Variants in NAA25 observed in about 807,000 individuals in gnomAD.
NAA25 encodes N-alpha-acetyltransferase 25, NatB auxiliary subunit.
In NAA25, 30 loss-of-function variants were observed where a neutral mutation model predicts 132.5. The ratio of observed to expected loss-of-function variants is 0.23; its 90% confidence interval spans 0.17 to 0.31. The LOEUF (loss-of-function observed/expected upper bound fraction) is 0.31, where lower values mean the gene tolerates loss of function less well. Among genes scored for constraint, NAA25 ranks in the 10% least tolerant of loss-of-function variants. The probability of loss-of-function intolerance (pLI) is 1.00; values close to 1 mark genes in which losing one functional copy is unlikely to be tolerated. For missense variants in NAA25, 771 were observed against 1,150.4 expected, an observed-to-expected ratio of 0.67 and a Z score of 4.77; for synonymous variants, 359 against 401.9, an observed-to-expected ratio of 0.89 and a Z score of 1.28.
chr12:112,108,303 T>TA (rs1274655903), intron 1 of NAA25, among the ~76,000 whole-genome samples: 48 of 151,360 alleles, frequency 3.2e-4, no homozygotes, highest in African/African-American at 4.8e-4. Flanking sequence ...TTCCCGTAAA[T>TA]AAAAAAAAAT....
At chr12:112,069,109 G>A (rs1217587170) in intron 10 of NAA25, 117 bp from the exon 11 acceptor site, 1 of 637,836 alleles carries the variant, frequency 1.6e-6, no homozygotes, top group African/African-American at 1.8e-5. Context: ...CTTGCAACTG[G>A]TCCCAAGATA....
At chr12:112,072,261 T>C (rs2078820999) in intron 9 of NAA25, among the ~76,000 whole-genome samples, 197 bp from the exon 10 acceptor site, 1 of 152,184 alleles carries the variant, frequency 6.6e-6, no homozygotes, top group Non-Finnish European at 1.5e-5. Flanking sequence ...GGCATTTGAT[T>C]ACTGCAGCAT....
rs1672006340 is a variant in NAA25 at position 112,058,095 on chromosome 12, C to T, written c.1447+2175G>A. On this transcript the variant is annotated intron_variant, in intron 13 of 23. Coordinates refer to ENST00000261745, the MANE Select transcript of NAA25 (RefSeq NM_024953.4). ...CTGGAAGGAGGATGTTGCAGTGAGCCACGATTGTGCCATTACACTCCAGCC... is the reference window on the plus strand; with the variant it reads ...CTGGAAGGAGGATGTTGCAGTGAGCTACGATTGTGCCATTACACTCCAGCC... 2.6e-5 allele frequency among the ~76,000 whole-genome samples: 4 copies of T among 152,016 alleles called. No homozygotes were observed. In the South Asian group the frequency reaches 8.3e-4, roughly 32 times the overall value.
In NAA25 at chr12:112,068,912, C is replaced by G. The variant is rs769838669; in HGVS notation, c.1117G>C (p.Val373Leu). The G allele has an allele frequency of 4.3e-6, 7 of 1,612,776 alleles. No homozygotes were observed. Among genetic ancestry groups the G allele is most frequent in the Middle Eastern group, 1.6e-4 (1 of 6,080 alleles). ...PCCFTDLKVF[V>L]DLLPATQCTK... ...CACTGTGTAGCAGGTAAGAGGTCAA[C>G]AAACACCTTAAGGTCTGTAAAACAA... Residue 373 changes from valine to leucine, a missense_variant, in exon 11 of 24, where the codon GTT becomes CTT. By Grantham distance (32) the Val-to-Leu change is conservative. This residue lies in a region of NAA25 where 417 missense variants were observed against 733.8 expected (regional missense o/e 0.57). Coordinates refer to ENST00000261745, the MANE Select transcript of NAA25 (RefSeq NM_024953.4).
In NAA25 at chr12:112,049,036, A is replaced by C. The variant is rs79432381; in HGVS notation, c.1729-593T>G. Among the ~76,000 whole-genome samples, 515 of 152,344 alleles carry C rather than the reference A, an allele frequency of 3.4e-3. 1 individual carries two copies. Among genetic ancestry groups the C allele is most frequent in the Non-Finnish European group, 5.4e-3 (368 of 68,038 alleles). On this transcript the variant is annotated intron_variant, in intron 15 of 23. Coordinates refer to ENST00000261745, the MANE Select transcript of NAA25 (RefSeq NM_024953.4). The surrounding 1 kb of genome is among the most constrained non-coding windows in gnomAD (Gnocchi z 4.7). ...CCTATCAAAATTCATGTCATAATCT[A>C]TTCTGAGGACAAAGACTTCAAGAAC...
intron 7 of NAA25, among the ~76,000 whole-genome samples, chr12:112,077,457 G>A (rs931732803): frequency 1.3e-5 from 2 of 150,194 alleles, no homozygotes; most frequent in Admixed American, 1.3e-4. Context: ...TGGCCACAGA[G>A]TGAGACTCTG....
At chr12:112,061,741 C>G (rs1266096144) in intron 11 of NAA25, among the ~76,000 whole-genome samples, 1 of 151,658 alleles carries the variant, frequency 6.6e-6, no homozygotes, top group African/African-American at 2.4e-5. Flanking sequence ...ATTAGGAAGA[C>G]TATAGAAAAG....
intron 4 of NAA25, 111 bp from the exon 5 acceptor site, chr12:112,081,245 C>A: frequency 3.6e-6 from 3 of 836,758 alleles, no homozygotes; most frequent in Non-Finnish European, 5.9e-6. Context: ...ATTTACATAT[C>A]CCAGTTAGTG....
At chr12:112,034,534 G>C (rs1191761922) in intron 22 of NAA25, 1 of 152,332 alleles carries the variant, frequency 6.6e-6, no homozygotes, top group Non-Finnish European at 1.5e-5. Flanking sequence ...GCTGAGGCAG[G>C]AGAATTGTTT....
chr12:112,067,572 T>C (rs866767911), intron 11 of NAA25, among the ~76,000 whole-genome samples: 10 of 151,836 alleles, frequency 6.6e-5, no homozygotes, highest in South Asian at 6.2e-4. Context: ...TAGCCAGGCC[T>C]GGTGGCATGT....
At chr12:112,102,698 G>A (rs867635725) in intron 1 of NAA25, among the ~76,000 whole-genome samples, 11 of 58,930 alleles carry the variant, frequency 1.9e-4, no homozygotes, top group Middle Eastern at 0.01. Context: ...CTGCCCCCCC[G>A]CCCCCCGCAA....
intron 9 of NAA25, among the ~76,000 whole-genome samples, chr12:112,074,158 C>G (rs1485267440): frequency 6.6e-6 from 1 of 151,766 alleles, no homozygotes; most frequent in African/African-American, 2.4e-5. Flanking sequence ...CTGGCCAACA[C>G]GGTGAAACCC....
chr12:112,049,398 C>G lies in NAA25; in HGVS notation c.1729-955G>C. 1 of 942,422 alleles carries G rather than the reference C, an allele frequency of 1.1e-6. No homozygotes were observed. Among genetic ancestry groups the G allele is most frequent in the South Asian group, 4.9e-5 (1 of 20,356 alleles). 58.4% of individuals were successfully genotyped at this position (942,422 alleles called of 1,614,324 possible). A position where few individuals can be genotyped will look rare whatever the true frequency, so the allele number is the denominator to read the frequency against. Reference sequence around the variant, plus strand: ...TAGAAAAAACAGTCTTTTTACACAGCCTCAGTTAATCAGCTCTGCCCCCAT... The same window carrying G: ...TAGAAAAAACAGTCTTTTTACACAGGCTCAGTTAATCAGCTCTGCCCCCAT... On this transcript the variant is annotated intron_variant, in intron 15 of 23. Transcript: ENST00000261745. This position sits in a 1 kb window ranked among gnomAD's most constrained non-coding sequence, Gnocchi z 4.7.
Position 112,027,951 on chromosome 12 carries a change from T to A in NAA25, c.*1580A>T, listed in dbSNP as rs896417756. 1.3e-5 allele frequency: 2 copies of A among 152,216 alleles called. No individual in the cohort carries two copies. The highest frequency in any genetic ancestry group is 3.8e-4 in the East Asian group (2 of 5,202). 9.4% of individuals were successfully genotyped at this position (152,216 alleles called of 1,614,324 possible). A position where few individuals can be genotyped will look rare whatever the true frequency, so the allele number is the denominator to read the frequency against. On this transcript the variant is annotated 3_prime_UTR_variant, in exon 24 of 24. Transcript: ENST00000261745. ...ATCAAAAATAAATTTTTGAAATTAGTTGATGGACTAGGATTTCCAACAAGC... is the reference window on the plus strand; with the variant it reads ...ATCAAAAATAAATTTTTGAAATTAGATGATGGACTAGGATTTCCAACAAGC...
intron 20 of NAA25, among the ~76,000 whole-genome samples, chr12:112,041,132 A>C (rs1045624170): frequency 6.6e-6 from 1 of 151,798 alleles, no homozygotes; most frequent in Non-Finnish European, 1.5e-5. Context: ...CCTGAGCAAC[A>C]CAACAAGACC....
At chr12:112,078,131 A>AT (rs1404009953) in intron 7 of NAA25, 57 bp downstream of exon 7, 1 of 1,253,796 alleles carries the variant, frequency 8.0e-7, no homozygotes, top group African/African-American at 1.5e-5. Context: ...TACAATAAAC[A>AT]TTTTTCATGT....
Position 112,070,262 on chromosome 12 carries a change from T to C in NAA25, c.1037-1270A>G, listed in dbSNP as rs537029486. Among the ~76,000 whole-genome samples, 21 of 152,326 alleles carry C rather than the reference T, an allele frequency of 1.4e-4. No homozygotes were observed. The South Asian group carries it at 4.1e-3, about 30-fold the overall frequency. The stretch of plus-strand genomic sequence containing the variant: ...GTACAATGACGATATCCTTTACTTA[T>C]TGAGCAATAAGATCATAAAGAATCA... On this transcript the variant is annotated intron_variant, in intron 10 of 23. Coordinates refer to ENST00000261745, the MANE Select transcript of NAA25 (RefSeq NM_024953.4).
intron 18 of NAA25, 111 bp downstream of exon 18, chr12:112,043,514 T>C: frequency 4.7e-6 from 6 of 1,270,952 alleles, no homozygotes; most frequent in Middle Eastern, 2.3e-4. Flanking sequence ...GCAGAAGCCA[T>C]AAACTGGGAC....
intron 23 of NAA25, among the ~76,000 whole-genome samples, chr12:112,031,669 T>C (rs1593737732): frequency 6.6e-6 from 1 of 152,064 alleles, no homozygotes; most frequent in African/African-American, 2.4e-5. Context: ...AACCACTTGA[T>C]AGTCACAACA....
Sources: allele counts gnomAD v4.1 joint callset (sites outside exome capture counted in the v4.1 genomes callset), GRCh38; gene constraint gnomAD v4.1.1; regional missense constraint gnomAD v4.1.1; non-coding constraint Gnocchi (gnomAD v3.1); transcripts MANE v1.5; gene names NCBI Gene and HGNC (gene_info 2026-07-23, HGNC 2026-07-21).